The following ABCA5 variants were observed in gnomAD, a reference collection of about 807,000 sequenced individuals.
The protein encoded by ABCA5 is cholesterol transporter ABCA5.
In ABCA5, 163 loss-of-function variants were observed where a neutral mutation model predicts 206.0. The ratio of observed to expected loss-of-function variants is 0.79; its 90% confidence interval spans 0.70 to 0.90. ABCA5 has a LOEUF of 0.90. ABCA5 is among the 40% of genes least tolerant of loss of function. The pLI is 0.00. For missense variants in ABCA5, 1,859 were observed against 1,912.9 expected, an observed-to-expected ratio of 0.97 and a Z score of 0.53; for synonymous variants, 609 against 613.8, an observed-to-expected ratio of 0.99 and a Z score of 0.11.
At chr17:69,273,444 T>A (rs934277533) in intron 20 of ABCA5, among the ~76,000 whole-genome samples, 12 of 139,674 alleles carry the variant, frequency 8.6e-5, no homozygotes, top group African/African-American at 3.3e-4. Context: ...TAAATTTTTT[T>A]AACTATTTAT....
At chr17:69,298,356 A>AAGGAAGGAAGGAAGGAAGGC (rs2075614640) in intron 9 of ABCA5, among the ~76,000 whole-genome samples, 1 of 151,270 alleles carries the variant, frequency 6.6e-6, no homozygotes, top group Non-Finnish European at 1.5e-5. Context: ...GGAAAGAAGG[A>AAGGAAGGAAGGAAGGAAGGC]AAGAAAGGGC....
chr17:69,320,511 CTTCAA>C (rs1206236027), intron 1 of ABCA5, among the ~76,000 whole-genome samples: 1 of 152,094 alleles, frequency 6.6e-6, no homozygotes, highest in Non-Finnish European at 1.5e-5. Context: ...TAATCTTGAG[CTTCAA>C]TTCAAGTTAT....
intron 34 of ABCA5, among the ~76,000 whole-genome samples, chr17:69,252,260 G>A (rs2075023863): frequency 6.6e-6 from 1 of 151,888 alleles, no homozygotes; most frequent in African/African-American, 2.4e-5. Context: ...GTGGTCTGCT[G>A]CCTCAGCCTC....
Position 69,294,778 on chromosome 17 carries a change from C to T in ABCA5, c.1437-65G>A, listed in dbSNP as rs537191903. On this transcript the variant is annotated intron_variant, in intron 10 of 38. Coordinates refer to ENST00000392676, the MANE Select transcript of ABCA5 (RefSeq NM_172232.4). Reference sequence around the variant, plus strand: ...TTTATAAGTATGTGTGTTTATTTACCATGCATATTTTTATCAATGCTATCA... The same window carrying T: ...TTTATAAGTATGTGTGTTTATTTACTATGCATATTTTTATCAATGCTATCA... 35 of 1,051,680 alleles carry T rather than the reference C, an allele frequency of 3.3e-5. No individual in the cohort carries two copies. In the South Asian group the frequency reaches 5.4e-4, roughly 16 times the overall value. The allele number at this position is 1,051,680 out of a possible 1,614,324, so 65.1% of individuals were successfully genotyped here.
chr17:69,291,914 A>G (rs975903636), intron 11 of ABCA5, among the ~76,000 whole-genome samples: 1 of 151,908 alleles, frequency 6.6e-6, no homozygotes, highest in African/African-American at 2.4e-5. Context: ...GGAGTTCGAG[A>G]CTAGCCTGGG....
At chr17:69,256,038 A>G in intron 29 of ABCA5, 119 bp downstream of exon 29, 1 of 1,347,386 alleles carries the variant, frequency 7.4e-7, no homozygotes, top group South Asian at 1.6e-5. Context: ...TTTTTTTCCA[A>G]GAAAGATTTT....
At chr17:69,254,251 TA>T in intron 32 of ABCA5, 63 bp downstream of exon 32, 1 of 1,359,290 alleles carries the variant, frequency 7.4e-7, no homozygotes, top group Non-Finnish European at 9.9e-7. Flanking sequence ...TATGAAATTT[TA>T]AAAATATGAA....
chr17:69,251,900 C>G, intron 34 of ABCA5, 34 bp from the exon 35 acceptor site: 1 of 1,600,134 alleles, frequency 6.2e-7, no homozygotes. Flanking sequence ...AAGAGAGGAA[C>G]ACATCTGTTT....
intron 19 of ABCA5, 61 bp from the exon 20 acceptor site, chr17:69,274,189 A>G: frequency 1.4e-6 from 2 of 1,419,596 alleles, no homozygotes; most frequent in Non-Finnish European, 1.9e-6. Flanking sequence ...ATGAAAATCA[A>G]TTAAAACTCT....
chr17:69,282,529 G>A (rs1197380012), intron 18 of ABCA5, among the ~76,000 whole-genome samples: 1 of 152,132 alleles, frequency 6.6e-6, no homozygotes, highest in Non-Finnish European at 1.5e-5. Flanking sequence ...CTAGCACTTT[G>A]GGAGGCCAAG....
chr17:69,264,860 C>T lies in ABCA5; in HGVS notation c.3190G>A (p.Ala1064Thr). The T allele has an allele frequency of 1.3e-6, 2 of 1,572,326 alleles. No homozygotes were observed. The highest frequency in any genetic ancestry group is 1.2e-5 in the South Asian group (1 of 80,886). ...QLKLSGLLPS[A>T]YWIGQAVVDI... The stretch of plus-strand genomic sequence containing the variant: ...ACAACAGCTTGTCCAATCCAATATG[C>T]AGATGGCAAAAGACCTGAAAGTTTA... Residue 1064 changes from alanine (A) to threonine (T), a missense_variant, in exon 24 of 39, where the codon GCA (alanine) becomes ACA (threonine). Physicochemically the swap from Ala to Thr is moderately conservative, Grantham distance 58. Coordinates refer to ENST00000392676, the MANE Select transcript of ABCA5 (RefSeq NM_172232.4).
rs778126578 is a variant in ABCA5 at position 69,253,579 on chromosome 17, T to A, written c.4409A>T (p.His1470Leu). 1.2e-6 allele frequency: 2 copies of A among 1,611,260 alleles called. No homozygotes were observed. Among genetic ancestry groups the A allele is most frequent in the Non-Finnish European group, 1.7e-6 (2 of 1,177,468 alleles). The change falls in exon 34 of 39, where the codon CAC becomes CTC. Residue 1470 changes from histidine to leucine, a missense_variant. Coordinates refer to ENST00000392676, the MANE Select transcript of ABCA5 (RefSeq NM_172232.4). ...TCACAAGTACCATACTCACCACATG[T>A]GCTGTTTGGCTTTGGGATCCATACC... ...STGMDPKAKQ[H>L]MWRAIRTAFK...
intron 1 of ABCA5, among the ~76,000 whole-genome samples, chr17:69,322,792 T>A (rs932396961): frequency 7.2e-5 from 11 of 152,326 alleles, no homozygotes; most frequent in East Asian, 3.9e-4. Context: ...TTAAATTTTT[T>A]AAATTATTTT....
At chr17:69,273,394 G>A (rs1328450676) in intron 20 of ABCA5, among the ~76,000 whole-genome samples, 1 of 150,746 alleles carries the variant, frequency 6.6e-6, no homozygotes, top group African/African-American at 2.4e-5. Context: ...TAAGAATAAC[G>A]TTATTATTAA....
chr17:69,277,538 TA>T, intron 19 of ABCA5, 102 bp downstream of exon 19: 1 of 915,772 alleles, frequency 1.1e-6, no homozygotes, highest in Non-Finnish European at 1.6e-6. Context: ...CGAAACTATA[TA>T]AATTATTTAC....
In ABCA5 at chr17:69,261,646, T is replaced by C; in HGVS notation, c.3418A>G (p.Ile1140Val). 1.4e-6 allele frequency: 2 copies of C among 1,383,932 alleles called. No homozygotes were observed. Among genetic ancestry groups the C allele is most frequent in the Admixed American group, 2.3e-5 (1 of 43,368 alleles). 85.7% of individuals were successfully genotyped at this position (1,383,932 alleles called of 1,614,324 possible). The change falls in exon 25 of 39, where the codon ATC becomes GTC. Residue 1140 changes from isoleucine (I) to valine (V), a missense_variant. Coordinates refer to ENST00000392676, the MANE Select transcript of ABCA5 (RefSeq NM_172232.4). ...AAAATGTGACTTACCACAGAATAGA[T>C]AAATGACCAAAATTCTTTGGTATTT... ...ILNTKEFWSFIYSVAALACIA... is the reference protein window; with the variant it reads ...ILNTKEFWSFVYSVAALACIA...
At chr17:69,316,434 C>A (rs2075816212) in intron 1 of ABCA5, among the ~76,000 whole-genome samples, 1 of 151,686 alleles carries the variant, frequency 6.6e-6, no homozygotes, top group South Asian at 2.1e-4. Flanking sequence ...TTGCAGTGAG[C>A]CCAGATTGTT....
intron 31 of ABCA5, 116 bp from the exon 32 acceptor site, chr17:69,254,606 T>C: frequency 1.5e-6 from 1 of 686,332 alleles, no homozygotes; most frequent in South Asian, 2.3e-5. Flanking sequence ...GTCAGATTTG[T>C]ACTCCTTTAT....
chr17:69,254,007 C>T (rs2075047084), intron 32 of ABCA5, 138 bp from the exon 33 acceptor site: 2 of 653,916 alleles, frequency 3.1e-6, no homozygotes, highest in Admixed American at 6.6e-5. Context: ...GGGCAAAAGT[C>T]TCCAATTTAC....
Sources: gnomAD v4.1 joint callset for allele counts (sites outside exome capture counted in the v4.1 genomes callset) on GRCh38, gnomAD v4.1.1 for gene constraint, MANE v1.5 for transcripts, NCBI Gene and HGNC (gene_info 2026-07-23, HGNC 2026-07-21) for gene names.